Variants in SNTG2 observed in about 807,000 individuals in gnomAD.
SNTG2 encodes the protein gamma-2-syntrophin.
In SNTG2, 74 loss-of-function variants were observed where a neutral mutation model predicts 70.9. That is an observed-to-expected ratio of 1.04 (90% CI 0.86 to 1.27). SNTG2 has a LOEUF of 1.27. SNTG2 is among the 50% of genes most tolerant of loss of function. SNTG2 has a pLI of 0.00. For synonymous variants in SNTG2, 278 were observed against 273.8 expected, an observed-to-expected ratio of 1.02 and a Z score of -0.15; for missense variants, 717 against 690.7, an observed-to-expected ratio of 1.04 and a Z score of -0.43.
chr2:1,204,431 A>G (rs1673497034), intron 8 of SNTG2, among the ~76,000 whole-genome samples: 1 of 152,264 alleles, frequency 6.6e-6, no homozygotes, highest in African/African-American at 2.4e-5. Context: ...TAAAACACCA[A>G]GTGTATGGTG....
chr2:1,129,010 G>A (rs1667866684), intron 4 of SNTG2, among the ~76,000 whole-genome samples: 1 of 152,172 alleles, frequency 6.6e-6, no homozygotes, highest in Non-Finnish European at 1.5e-5. Context: ...AGGAATAAGT[G>A]TCTAGCCTTT....
At chr2:1,098,535 G>T in intron 4 of SNTG2, 125 bp downstream of exon 4, 1 of 1,026,182 alleles carries the variant, frequency 9.7e-7, no homozygotes. Flanking sequence ...TTTTATTTTT[G>T]TAGCTGTGTC....
intron 1 of SNTG2, among the ~76,000 whole-genome samples, chr2:991,063 G>C (rs1661474988): frequency 6.6e-6 from 1 of 151,984 alleles, no homozygotes; most frequent in Non-Finnish European, 1.5e-5. Flanking sequence ...AAAACCTTAA[G>C]ATATGCTGAT....
chr2:1,153,186 A>G (rs1032455226), intron 6 of SNTG2, among the ~76,000 whole-genome samples: 1 of 152,044 alleles, frequency 6.6e-6, no homozygotes, highest in African/African-American at 2.4e-5. Context: ...ATAACTGGGC[A>G]CTGCCCAGCC....
chr2:1,360,826 C>T (rs1661099551), intron 16 of SNTG2, among the ~76,000 whole-genome samples: 1 of 152,150 alleles, frequency 6.6e-6, no homozygotes, highest in Admixed American at 6.5e-5. Context: ...GATGGAGTCT[C>T]TAAATAAGAG....
rs1669533044 is a variant in SNTG2 at position 1,152,039 on chromosome 2, C to T, written c.412-13509C>T. Among the ~76,000 whole-genome samples the T allele has an allele frequency of 4.6e-5, 7 of 152,296 alleles. No homozygotes were observed. In the South Asian group the frequency reaches 1.2e-3, roughly 27 times the overall value. ...GCATTTATGGTCCTTCATTTGCTAACCACATAATAGAATTTTGTTTTGTTT... is the reference window on the plus strand; with the variant it reads ...GCATTTATGGTCCTTCATTTGCTAATCACATAATAGAATTTTGTTTTGTTT... On this transcript the variant is annotated intron_variant, in intron 6 of 16. Coordinates refer to ENST00000308624, the MANE Select transcript of SNTG2 (RefSeq NM_018968.4).
At chr2:1,014,507 T>C (rs113495981) in intron 1 of SNTG2, among the ~76,000 whole-genome samples, 3 of 72,928 alleles carry the variant, frequency 4.1e-5, no homozygotes, top group Non-Finnish European at 6.2e-5. Context: ...GGAGAGGGAT[T>C]TATATGGGCA....
At chr2:1,303,771 T>C (rs756649085) in intron 14 of SNTG2, among the ~76,000 whole-genome samples, 2 of 152,122 alleles carry the variant, frequency 1.3e-5, no homozygotes, top group Non-Finnish European at 2.9e-5. Flanking sequence ...ATGTAATAAA[T>C]GAAATGGGAT....
rs537939980 is a variant in SNTG2 at position 1,160,784 on chromosome 2, C to G, written c.412-4764C>G. ...TTCCTCTCTCCACCACGCAAGGACA[C>G]AGCCAGAAGGCCAGGCCCTCACCAG... On this transcript the variant is annotated intron_variant, in intron 6 of 16. Coordinates refer to ENST00000308624, the MANE Select transcript of SNTG2 (RefSeq NM_018968.4). The G allele has an allele frequency of 2.6e-5, 4 of 152,456 alleles. No individual in the cohort carries two copies. The East Asian group carries it at 7.7e-4, about 30-fold the overall frequency. The allele number at this position is 152,456 out of a possible 1,614,324, so 9.4% of individuals were successfully genotyped here. A position where few individuals can be genotyped will look rare whatever the true frequency, so the allele number is the denominator to read the frequency against.
At chr2:1,289,463 G>A (rs1679900512) in intron 14 of SNTG2, among the ~76,000 whole-genome samples, 1 of 152,048 alleles carries the variant, frequency 6.6e-6, no homozygotes, top group Non-Finnish European at 1.5e-5. Context: ...TCTATCACTT[G>A]GCAGATCGTA....
chr2:1,329,833 C>T lies in SNTG2; in HGVS notation c.1488+13458C>T, dbSNP rs1384445347. Among the ~76,000 whole-genome samples, 5 of 152,264 alleles carry T rather than the reference C, an allele frequency of 3.3e-5. No individual in the cohort carries two copies. The East Asian group carries it at 9.7e-4, about 29-fold the overall frequency. On this transcript the variant is annotated intron_variant, in intron 16 of 16. Transcript: ENST00000308624. ...GGAGGCCTCGGAAGTTTTTCTCTGT[C>T]AAGACAGTTGCTTGGGGACTGTGCT...
chr2:1,194,432 T>G (rs1351576291), intron 8 of SNTG2, among the ~76,000 whole-genome samples: 4 of 152,196 alleles, frequency 2.6e-5, no homozygotes, highest in African/African-American at 7.2e-5. Flanking sequence ...GTGGGAATCT[T>G]TCTTTCTTAG....
At chr2:1,276,493 A>T (rs1558624153) in intron 14 of SNTG2, among the ~76,000 whole-genome samples, 1 of 152,254 alleles carries the variant, frequency 6.6e-6, no homozygotes, top group African/African-American at 2.4e-5. Flanking sequence ...ATCTGTTGAC[A>T]GCATGGTTTA....
chr2:1,293,761 G>T (rs1003787776), intron 14 of SNTG2, among the ~76,000 whole-genome samples: 4 of 152,060 alleles, frequency 2.6e-5, no homozygotes, highest in Non-Finnish European at 5.9e-5. Flanking sequence ...TTGTTTTGCG[G>T]CCGAGCATGT....
intron 1 of SNTG2, among the ~76,000 whole-genome samples, chr2:1,061,910 TAAAA>T (rs1019004399): frequency 6.6e-6 from 1 of 152,074 alleles, no homozygotes; most frequent in African/African-American, 2.4e-5. Flanking sequence ...CAGAGATAAA[TAAAA>T]CAATTACTAA....
At chr2:1,178,413 C>A (rs1358722202) in intron 8 of SNTG2, among the ~76,000 whole-genome samples, 4 of 152,042 alleles carry the variant, frequency 2.6e-5, no homozygotes, top group African/African-American at 9.7e-5. Flanking sequence ...AGTTTTTGCC[C>A]ATTCAGTATG....
chr2:1,212,886 T>C (rs1674137405), intron 9 of SNTG2, among the ~76,000 whole-genome samples: 1 of 152,188 alleles, frequency 6.6e-6, no homozygotes, highest in South Asian at 2.1e-4. Flanking sequence ...AGTTTAGAAA[T>C]TGTCAATTCT....
intron 9 of SNTG2, among the ~76,000 whole-genome samples, chr2:1,232,755 C>T (rs1676342582): frequency 6.6e-6 from 1 of 152,118 alleles, no homozygotes. Context: ...TAATATACTA[C>T]AGAGACAGTT....
chr2:1,231,524 A>G (rs561452962), intron 9 of SNTG2, among the ~76,000 whole-genome samples: 4 of 152,330 alleles, frequency 2.6e-5, no homozygotes, highest in East Asian at 1.9e-4. Flanking sequence ...AAGCCATTCA[A>G]TGCAGCACTG....
Sources: gnomAD v4.1 joint callset for allele counts (sites outside exome capture counted in the v4.1 genomes callset) on GRCh38, gnomAD v4.1.1 for gene constraint, MANE v1.5 for transcripts, NCBI Gene and HGNC (gene_info 2026-07-23, HGNC 2026-07-21) for gene names.